The following KIAA1671 variants were observed in gnomAD, a reference collection of about 807,000 sequenced individuals.
KIAA1671 encodes KIAA1671.
In KIAA1671, 52 loss-of-function variants were observed where a neutral mutation model predicts 131.2. That is an observed-to-expected ratio of 0.40 (90% CI 0.32 to 0.50). KIAA1671 has a LOEUF of 0.50. Among genes scored for constraint, KIAA1671 ranks in the 20% least tolerant of loss-of-function variants. The pLI, the probability that KIAA1671 is intolerant of heterozygous loss-of-function variation, is 0.73. For missense variants in KIAA1671, 2,360 were observed against 2,364.2 expected (o/e 1.00, Z 0.04); for synonymous variants, 1,003 against 961.6 (o/e 1.04, Z -0.80).
At chr22:25,123,505 A>G (rs555075323) in intron 6 of KIAA1671, among the ~76,000 whole-genome samples, 12 of 152,256 alleles carry the variant, frequency 7.9e-5, no homozygotes, top group African/African-American at 2.4e-4. Context: ...ATGAGGTTTC[A>G]AAAGACACTG....
rs1466336980 is a variant in KIAA1671, at chr22:25,197,089, C to T, written c.*4688C>T. On this transcript the variant is annotated 3_prime_UTR_variant, in exon 13 of 13. Transcript: ENST00000358431. ...TGTGTAGGAAAGTTAAGCTTCCTGC[C>T]TGCGGTGTTCTTGCAATTGCCTTAG... The T allele has an allele frequency of 6.6e-6, 1 of 152,138 alleles. No individual in the cohort carries two copies. Among genetic ancestry groups the T allele is most frequent in the African/African-American group, 2.4e-5 (1 of 41,424 alleles). The allele number at this position is 152,138 out of a possible 1,614,324, so 9.4% of individuals were successfully genotyped here.
At chr22:25,133,862 A>G (rs1210873097) in intron 6 of KIAA1671, among the ~76,000 whole-genome samples, 3 of 152,012 alleles carry the variant, frequency 2.0e-5, no homozygotes, top group Non-Finnish European at 4.4e-5. Flanking sequence ...CTTGATTTTT[A>G]TTGGGCGGAG....
chr22:24,958,894 C>T (rs893046168), intron 1 of KIAA1671, among the ~76,000 whole-genome samples: 2 of 149,728 alleles, frequency 1.3e-5, no homozygotes, highest in East Asian at 4.0e-4. Context: ...AGGCAGCAGA[C>T]TGCTTGAACC....
intron 6 of KIAA1671, among the ~76,000 whole-genome samples, chr22:25,072,996 G>A (rs1928910304): frequency 6.6e-6 from 1 of 152,090 alleles, no homozygotes; most frequent in African/African-American, 2.4e-5. Flanking sequence ...TGGTAATGTT[G>A]CCCATTCACT....
intron 11 of KIAA1671, among the ~76,000 whole-genome samples, chr22:25,186,789 G>A (rs1015043635): frequency 2.6e-5 from 4 of 152,240 alleles, no homozygotes; most frequent in Admixed American, 2.0e-4. Flanking sequence ...AGTGGGCTGT[G>A]GGAACCAGAA....
intron 1 of KIAA1671, among the ~76,000 whole-genome samples, chr22:24,974,608 A>G (rs1368231492): frequency 1.3e-5 from 2 of 151,886 alleles, no homozygotes; most frequent in African/African-American, 4.8e-5. Context: ...CTGTTTTTCA[A>G]ACATTTTTCT....
At chr22:25,171,587 C>T (rs905022082) in intron 7 of KIAA1671, among the ~76,000 whole-genome samples, 4 of 151,996 alleles carry the variant, frequency 2.6e-5, no homozygotes, top group Non-Finnish European at 5.9e-5. Flanking sequence ...TGGTGGTGGG[C>T]ACCTGTGATG....
chr22:24,997,258 A>C (rs1325724265), intron 1 of KIAA1671, among the ~76,000 whole-genome samples: 1 of 152,174 alleles, frequency 6.6e-6, no homozygotes, highest in Non-Finnish European at 1.5e-5. Context: ...GGCTGGCTGC[A>C]GGGGTCTGGA....
intron 1 of KIAA1671, among the ~76,000 whole-genome samples, chr22:24,969,747 C>T (rs5760766): frequency 0.44 from 66,349 of 152,006 alleles, 17,060 homozygotes; most frequent in East Asian, 0.74. Context: ...TATACTGAGG[C>T]GGCTTATATT....
chr22:25,143,096 A>G (rs1601352482), intron 6 of KIAA1671, among the ~76,000 whole-genome samples: 1 of 152,258 alleles, frequency 6.6e-6, no homozygotes, highest in South Asian at 2.1e-4. Context: ...TCCCACGTCT[A>G]TTTACTCAGG....
At chr22:25,147,528 G>A (rs1932906109) in intron 6 of KIAA1671, among the ~76,000 whole-genome samples, 1 of 152,134 alleles carries the variant, frequency 6.6e-6, no homozygotes, top group African/African-American at 2.4e-5. Context: ...CCCACCTCCA[G>A]TCCTTTGCCC....
chr22:24,989,693 T>C (rs1306333717), intron 1 of KIAA1671, among the ~76,000 whole-genome samples: 2 of 152,038 alleles, frequency 1.3e-5, no homozygotes, highest in Non-Finnish European at 2.9e-5. Context: ...AAGAAACTAT[T>C]TGGGATGAGT....
Position 25,041,426 on chromosome 22 carries a change from G to A in KIAA1671, c.4296G>A (p.Arg1432=), listed in dbSNP as rs1457667508. 3.9e-6 allele frequency: 6 copies of A among 1,551,808 alleles called. No individual in the cohort carries two copies. Among genetic ancestry groups the A allele is most frequent in the East Asian group, 2.4e-5 (1 of 40,922 alleles). Residue 1432 remains arginine (R), a synonymous_variant, in exon 5 of 13, where the codon AGG becomes AGA. Coordinates refer to ENST00000358431, the MANE Select transcript of KIAA1671 (RefSeq NM_001145206.2). ...LSIMHEARER[R]REQPKGRPSL... ...TCATGCATGAAGCCAGAGAGAGGAG[G>A]CGAGAGCAGCCCAAAGGGAGGCCCA...
chr22:24,997,136 C>T (rs147450650), intron 1 of KIAA1671, among the ~76,000 whole-genome samples: 180 of 152,200 alleles, frequency 1.2e-3, no homozygotes, highest in African/African-American at 4.0e-3. Context: ...AGGATCTCTA[C>T]GACAAAAAGG....
chr22:25,056,022 ATTTTTTT>A (rs1416520447), intron 6 of KIAA1671: 3 of 133,606 alleles, frequency 2.2e-5, no homozygotes, highest in African/African-American at 8.2e-5. Flanking sequence ...TGCCCAGCTA[ATTTTTTT>A]TTTTTTTTTT....
chr22:25,175,799 T>C (rs1368852701), intron 8 of KIAA1671: 1 of 152,030 alleles, frequency 6.6e-6, no homozygotes, highest in Non-Finnish European at 1.5e-5. Context: ...CAAATCAGAG[T>C]GGCCATGGAG....
At chr22:25,143,141 C>G (rs1932830351) in intron 6 of KIAA1671, among the ~76,000 whole-genome samples, 1 of 152,232 alleles carries the variant, frequency 6.6e-6, no homozygotes, top group African/African-American at 2.4e-5. Flanking sequence ...GGGCACCGGC[C>G]AAGGTGCCAA....
At position 25,039,348 on chromosome 22, in the gene KIAA1671, G is replaced by A; in HGVS notation, c.2218G>A (p.Gly740Arg). 6.4e-7 allele frequency: 1 copy of A among 1,551,920 alleles called. No homozygotes were observed. The highest frequency in any genetic ancestry group is 8.7e-7 in the Non-Finnish European group (1 of 1,147,054). ...CAGATATGACATTGTGCATGCAGTG[G>A]GAGAGCGTGTGCACAGCGAGGCCAT... Reference protein sequence around the residue: ...EPRYDIVHAVGERVHSEAISP... With the variant: ...EPRYDIVHAVRERVHSEAISP... The change falls in exon 5 of 13, where the codon GGA becomes AGA. Residue 740 changes from glycine (G) to arginine (R), a missense_variant. Coordinates refer to ENST00000358431, the MANE Select transcript of KIAA1671 (RefSeq NM_001145206.2).
At chr22:25,018,873 C>A (rs1033013265) in intron 1 of KIAA1671, among the ~76,000 whole-genome samples, 1 of 152,072 alleles carries the variant, frequency 6.6e-6, no homozygotes, top group African/African-American at 2.4e-5. Context: ...CATTGGTGTA[C>A]AAATATCTGC....
Sources: allele counts gnomAD v4.1 joint callset (sites outside exome capture counted in the v4.1 genomes callset), GRCh38; gene constraint gnomAD v4.1.1; transcripts MANE v1.5; gene names NCBI Gene and HGNC (gene_info 2026-07-23, HGNC 2026-07-21).